The following NSF variants were observed in gnomAD, a reference collection of about 807,000 sequenced individuals.
The protein encoded by NSF is N-ethylmaleimide sensitive factor, vesicle fusing ATPase, also known as vesicle-fusing ATPase.
In NSF, 14 loss-of-function variants were observed where a neutral mutation model predicts 50.3. That is an observed-to-expected ratio of 0.28 (90% CI 0.18 to 0.44). The LOEUF (loss-of-function observed/expected upper bound fraction) is 0.44. NSF is among the 20% of genes least tolerant of loss of function. The pLI, the probability that NSF is intolerant of heterozygous loss-of-function variation, is 1.00. For synonymous variants in NSF, 109 were observed against 175.7 expected (o/e 0.62, Z 3.00); for missense variants, 218 against 504.3 (o/e 0.43, Z 5.44).
Position 46,714,099 on chromosome 17 carries a change from C to T in NSF, c.1761+113C>T, listed in dbSNP as rs189889213. 4.3e-6 allele frequency: 5 copies of T among 1,174,010 alleles called. No individual in the cohort carries two copies. The East Asian group carries it at 1.5e-4, about 34-fold the overall frequency. The allele number at this position is 1,174,010 out of a possible 1,614,324, so 72.7% of individuals were successfully genotyped here. ...ATAAACCCATAGCAACTATGTTCTT[C>T]TCAAGTGGAACCAAATTATCAGCAG... is the stretch of plus-strand genomic sequence containing the variant. On this transcript the variant is annotated intron_variant, in intron 15 of 20. Coordinates refer to ENST00000398238, the MANE Select transcript of NSF (RefSeq NM_006178.4).
intron 19 of NSF, 97 bp from the exon 20 acceptor site, chr17:46,755,217 G>A: frequency 1.2e-6 from 1 of 853,208 alleles, no homozygotes; most frequent in Admixed American, 1.8e-5. Context: ...GCAGAGCATT[G>A]ATGAAGTGTG....
At chr17:46,638,927 C>T (rs1350976030) in intron 5 of NSF, among the ~76,000 whole-genome samples, 1 of 38,470 alleles carries the variant, frequency 2.6e-5, no homozygotes, top group Non-Finnish European at 4.2e-5. Flanking sequence ...TGCCTAGTAC[C>T]AGTCACTGTT....
chr17:46,720,245 A>G (rs976791927), intron 15 of NSF, among the ~76,000 whole-genome samples: 1 of 152,194 alleles, frequency 6.6e-6, no homozygotes, highest in Non-Finnish European at 1.5e-5. Context: ...GGAAGTGACT[A>G]CAGGTCCCTG....
rs199492345 is a variant in NSF at position 46,610,049 on chromosome 17, T to C, written c.13-14195T>C. ...TCTTTCTCTCTCTCTCTCTCTTTCT[T>C]TCTTTCTTTCTTTCTTTCCTTTCTT... is the stretch of plus-strand genomic sequence containing the variant. On this transcript the variant is annotated intron_variant, in intron 1 of 20. Transcript: ENST00000398238. Among the ~76,000 whole-genome samples, 114 of 108,998 alleles carry C rather than the reference T, an allele frequency of 1.0e-3. 3 individuals are homozygous for C. The highest frequency in any genetic ancestry group is 2.4e-3 in the East Asian group (8 of 3,330). The allele number at this position is 108,998 out of a possible 152,430, so 71.5% of individuals were successfully genotyped here.
chr17:46,749,152 A>G (rs1244520381), intron 17 of NSF, among the ~76,000 whole-genome samples: 1 of 152,234 alleles, frequency 6.6e-6, no homozygotes, highest in Non-Finnish European at 1.5e-5. Context: ...AAGAAAAGCC[A>G]AGAGAATTGA....
chr17:46,722,310 A>G (rs1271821533), intron 15 of NSF: 1 of 729,400 alleles, frequency 1.4e-6, no homozygotes, highest in Non-Finnish European at 2.4e-6. Flanking sequence ...CTCCAGCCTC[A>G]GTCCTCCTGG....
At position 46,711,016 on chromosome 17, in the gene NSF, C is replaced by T. The variant is rs370516857; in HGVS notation, c.1524C>T (p.Ile508=). ...CAAGTTACATTATGAACGGTATCATCAAATGGGGTGACCCAGTTACTCGAG... is the reference window on the plus strand; with the variant it reads ...CAAGTTACATTATGAACGGTATCATTAAATGGGGTGACCCAGTTACTCGAG... ...DYASYIMNGI[I]KWGDPVTRVL... Residue 508 remains isoleucine (I), a synonymous_variant, in exon 14 of 21, where the codon ATC becomes ATT. Transcript: ENST00000398238. 2 of 1,593,840 alleles carry T rather than the reference C, an allele frequency of 1.3e-6. No individual in the cohort carries two copies. The highest frequency in any genetic ancestry group is 2.7e-5 in the African/African-American group (2 of 73,658).
At chr17:46,636,134 AATATG>A (rs2058186366) in intron 4 of NSF, among the ~76,000 whole-genome samples, 1 of 22,748 alleles carries the variant, frequency 4.4e-5, no homozygotes, top group East Asian at 4.1e-4. Flanking sequence ...TTTTTCTAAA[AATATG>A]ATATGTAAAC....
intron 17 of NSF, among the ~76,000 whole-genome samples, chr17:46,734,413 T>C (rs2058980037): frequency 6.6e-6 from 1 of 152,168 alleles, no homozygotes; most frequent in African/African-American, 2.4e-5. Context: ...AAAATGATGC[T>C]TGACAGTTTA....
intron 19 of NSF, among the ~76,000 whole-genome samples, chr17:46,754,826 A>G (rs2059217437): frequency 6.6e-6 from 1 of 152,252 alleles, no homozygotes; most frequent in African/African-American, 2.4e-5. Flanking sequence ...AGAAGAAACT[A>G]TATGACGGAT....
intron 15 of NSF, among the ~76,000 whole-genome samples, chr17:46,715,323 AG>A (rs1438204412): frequency 6.6e-6 from 1 of 152,216 alleles, no homozygotes; most frequent in Non-Finnish European, 1.5e-5. Context: ...TCCCTAGAGT[AG>A]GTAGGGCTGT....
At chr17:46,735,800 C>T (rs1330560443) in intron 17 of NSF, among the ~76,000 whole-genome samples, 8 of 152,206 alleles carry the variant, frequency 5.3e-5, no homozygotes, top group African/African-American at 1.9e-4. Context: ...CAAAAATTAG[C>T]TCGACGTGGT....
intron 1 of NSF, among the ~76,000 whole-genome samples, chr17:46,613,131 A>T (rs2146124190): frequency 2.3e-5 from 1 of 43,470 alleles, no homozygotes; most frequent in Admixed American, 2.1e-4. Flanking sequence ...TGTTTTAATT[A>T]CCTGGGTATG....
intron 12 of NSF, among the ~76,000 whole-genome samples, chr17:46,695,260 A>T (rs1568034589): frequency 6.8e-6 from 1 of 146,444 alleles, no homozygotes; most frequent in African/African-American, 2.6e-5. Flanking sequence ...AAAAAAAAAA[A>T]AGTTGTAATA....
At chr17:46,752,476 G>A (rs1206212060) in intron 19 of NSF, among the ~76,000 whole-genome samples, 1 of 152,036 alleles carries the variant, frequency 6.6e-6, no homozygotes, top group Non-Finnish European at 1.5e-5. Flanking sequence ...ATTATTTTGA[G>A]ACAGGGTCTC....
intron 15 of NSF, chr17:46,722,176 C>T: frequency 6.2e-7 from 1 of 1,610,836 alleles, no homozygotes; most frequent in Non-Finnish European, 8.5e-7. Context: ...ATGGCTTTCT[C>T]CTGGGAGAAC....
intron 16 of NSF, among the ~76,000 whole-genome samples, chr17:46,727,458 CCTT>C (rs1162177603): frequency 1.3e-5 from 2 of 152,078 alleles, no homozygotes; most frequent in Non-Finnish European, 1.5e-5. Flanking sequence ...CTGAATAATC[CCTT>C]CTTCTTTAAG....
chr17:46,755,749 AGTTTTTT>A, intron 20 of NSF, 46 bp from the exon 21 acceptor site: 29 of 1,409,058 alleles, frequency 2.1e-5, no homozygotes, highest in Non-Finnish European at 2.7e-5. Context: ...TTTGATGAAT[AGTTTTTT>A]ACGGACCCTC....
At chr17:46,710,526 T>A (rs2058709145) in intron 13 of NSF, among the ~76,000 whole-genome samples, 1 of 152,236 alleles carries the variant, frequency 6.6e-6, no homozygotes, top group African/African-American at 2.4e-5. Context: ...TCATTACCAT[T>A]TCGTATTCTC....
Sources: allele counts gnomAD v4.1 joint callset (sites outside exome capture counted in the v4.1 genomes callset), GRCh38; gene constraint gnomAD v4.1.1; transcripts MANE v1.5; gene names NCBI Gene and HGNC (gene_info 2026-07-23, HGNC 2026-07-21).